The following AOPEP variants were observed in gnomAD, a reference collection of about 807,000 sequenced individuals.
AOPEP encodes the protein aminopeptidase O (putative).
Under a neutral mutation model 98.1 loss-of-function variants are expected in AOPEP, and 77 were observed. That is an observed-to-expected ratio of 0.78 (90% CI 0.65 to 0.95). AOPEP has a LOEUF of 0.95. Ranked by LOEUF, AOPEP falls within the 40% of genes least tolerant of loss-of-function variation. The pLI is 0.00. For synonymous variants in AOPEP, 346 were observed against 365.3 expected, an observed-to-expected ratio of 0.95 and a Z score of 0.60; for missense variants, 1,024 against 1,024.7, an observed-to-expected ratio of 1.00 and a Z score of 0.01.
At chr9:94,977,880 C>G (rs2059947380) in intron 10 of AOPEP, among the ~76,000 whole-genome samples, 1 of 150,814 alleles carries the variant, frequency 6.6e-6, no homozygotes, top group Admixed American at 6.6e-5. Flanking sequence ...AACTCAAAGC[C>G]CTTTTTCTGC....
intron 5 of AOPEP, among the ~76,000 whole-genome samples, chr9:94,859,963 T>C (rs2044722548): frequency 6.6e-6 from 1 of 152,240 alleles, no homozygotes; most frequent in Admixed American, 6.5e-5. Context: ...ACAGTCCCTG[T>C]CTTCAAGGGG....
At chr9:94,953,027 G>A (rs2058214385) in intron 7 of AOPEP, among the ~76,000 whole-genome samples, 1 of 152,140 alleles carries the variant, frequency 6.6e-6, no homozygotes, top group African/African-American at 2.4e-5. Flanking sequence ...CCTCCCCTTC[G>A]AGCAGTCTCA....
intron 5 of AOPEP, among the ~76,000 whole-genome samples, chr9:94,837,801 G>A (rs1009249739): frequency 1.3e-5 from 2 of 152,254 alleles, no homozygotes; most frequent in African/African-American, 4.8e-5. Flanking sequence ...CACAGCCGAC[G>A]TAATACTGAA....
At chr9:95,085,548 G>T (rs916841612) in intron 16 of AOPEP, 1 of 499,248 alleles carries the variant, frequency 2.0e-6, no homozygotes, top group African/African-American at 2.0e-5. Flanking sequence ...GGTGAGATGG[G>T]GACAGTTAAG....
At chr9:95,046,050 T>A (rs1415862469) in intron 13 of AOPEP, among the ~76,000 whole-genome samples, 1 of 152,198 alleles carries the variant, frequency 6.6e-6, no homozygotes, top group African/African-American at 2.4e-5. Flanking sequence ...GGTTCCCAGA[T>A]ACGGGTTCTT....
intron 14 of AOPEP, among the ~76,000 whole-genome samples, chr9:95,066,605 C>T (rs567793537): frequency 1.2e-4 from 18 of 152,206 alleles, no homozygotes; most frequent in East Asian, 9.7e-4. Flanking sequence ...GTGTCCCTGC[C>T]GTCTGCTGTT....
At chr9:94,824,300 C>G (rs1336093389) in intron 5 of AOPEP, 2 of 152,202 alleles carry the variant, frequency 1.3e-5, no homozygotes, top group East Asian at 1.9e-4. Context: ...CATCATGGCC[C>G]CTGCCTCTTT....
At chr9:94,843,964 A>C (rs2042561062) in intron 5 of AOPEP, among the ~76,000 whole-genome samples, 1 of 152,222 alleles carries the variant, frequency 6.6e-6, no homozygotes, top group Non-Finnish European at 1.5e-5. Context: ...TTATTACTTC[A>C]TCTGACTATA....
chr9:94,823,184 C>T (rs772038264), intron 5 of AOPEP, among the ~76,000 whole-genome samples: 2 of 152,022 alleles, frequency 1.3e-5, no homozygotes, highest in Admixed American at 6.6e-5. Flanking sequence ...TTAGTAGGGA[C>T]GGGGTTTCTC....
At chr9:94,853,334 C>T (rs2043789084) in intron 5 of AOPEP, among the ~76,000 whole-genome samples, 2 of 152,018 alleles carry the variant, frequency 1.3e-5, no homozygotes, top group South Asian at 4.2e-4. Context: ...GTGGTGTGTG[C>T]CTGTAGTCCC....
At position 94,793,359 on chromosome 9, in the gene AOPEP, AAAAC is replaced by A. The variant is rs541725868; in HGVS notation, c.1118+445_1118+448del. Among the ~76,000 whole-genome samples, 1,103 of 129,760 alleles carry A rather than the reference AAAAC, an allele frequency of 8.5e-3. 13 individuals carry two copies. Among genetic ancestry groups the A allele is most frequent in the African/African-American group, 0.029 (1,064 of 36,364 alleles). The allele number at this position is 129,760 out of a possible 152,430, so 85.1% of individuals were successfully genotyped here. On this transcript the variant is annotated intron_variant, in intron 4 of 16. Coordinates refer to ENST00000375315, the MANE Select transcript of AOPEP (RefSeq NM_001193329.3). ...AAGACTCTGTCTCAAAACAAAAAAC[AAAAC>A]AAAACAAAACAAAACAAAGAAGAAA...
chr9:94,802,121 G>A (rs1264176111), intron 5 of AOPEP, among the ~76,000 whole-genome samples: 3 of 152,150 alleles, frequency 2.0e-5, no homozygotes, highest in Admixed American at 6.5e-5. Context: ...ATTTGGTTAC[G>A]TGCATCATAT....
chr9:95,096,535 G>A, the AOPEP span, among the ~76,000 whole-genome samples: 6 of 152,216 alleles, frequency 3.9e-5, no homozygotes, highest in Admixed American at 1.3e-4. Context: ...CGGGCTCTCC[G>A]GGCCGGTGAT....
chr9:95,026,937 A>G (rs2063887559), intron 13 of AOPEP, among the ~76,000 whole-genome samples: 1 of 152,330 alleles, frequency 6.6e-6, no homozygotes, highest in South Asian at 2.1e-4. Flanking sequence ...TAAGGTATTT[A>G]CAGTTTTTCA....
At chr9:94,784,306 A>G (rs997226471) in intron 3 of AOPEP, among the ~76,000 whole-genome samples, 4 of 152,242 alleles carry the variant, frequency 2.6e-5, no homozygotes, top group African/African-American at 4.8e-5. Context: ...ATTGGTAGGC[A>G]TGACTGATGT....
intron 14 of AOPEP, among the ~76,000 whole-genome samples, chr9:95,067,887 ATAGATT>A (rs919703521): frequency 1.3e-5 from 2 of 152,128 alleles, no homozygotes; most frequent in African/African-American, 4.8e-5. Context: ...TTCTGTCTCT[ATAGATT>A]TGCCTATTCT....
chr9:94,903,892 T>TA (rs10658054), intron 5 of AOPEP, among the ~76,000 whole-genome samples: 37 of 96,590 alleles, frequency 3.8e-4, no homozygotes, highest in South Asian at 4.2e-4. Flanking sequence ...AGACTCTGTC[T>TA]AAAAAAAAAA....
intron 13 of AOPEP, among the ~76,000 whole-genome samples, chr9:95,010,851 C>G (rs998261268): frequency 6.6e-6 from 1 of 152,102 alleles, no homozygotes; most frequent in African/African-American, 2.4e-5. Flanking sequence ...AAAGTAATTA[C>G]AAAGAAACCA....
At chr9:95,104,236 C>T in the AOPEP span, among the ~76,000 whole-genome samples, 144,098 of 152,286 alleles carry the variant, frequency 0.95, 68,196 homozygotes, top group Middle Eastern at 0.99. Context: ...GGAAGACTGA[C>T]GTGTCAATAA....
Sources: gnomAD v4.1 joint callset for allele counts (sites outside exome capture counted in the v4.1 genomes callset) on GRCh38, gnomAD v4.1.1 for gene constraint, MANE v1.5 for transcripts, NCBI Gene and HGNC (gene_info 2026-07-23, HGNC 2026-07-21) for gene names.